Variants in SUGCT observed in about 807,000 individuals in gnomAD.
SUGCT encodes succinyl-CoA:glutarate CoA-transferase.
Under a neutral mutation model 55.0 loss-of-function variants are expected in SUGCT, and 41 were observed. The observed-to-expected ratio is 0.74, with a 90% CI of 0.58 to 0.97. SUGCT has a LOEUF of 0.97. Among genes scored for constraint, SUGCT ranks in the 50% least tolerant of loss-of-function variants. SUGCT has a pLI of 0.00. For synonymous variants in SUGCT, 187 were observed against 200.4 expected (o/e 0.93, Z 0.56); for missense variants, 568 against 547.8 (o/e 1.04, Z -0.37).
At chr7:40,412,696 T>C (rs1345820911) in intron 9 of SUGCT, among the ~76,000 whole-genome samples, 1 of 152,218 alleles carries the variant, frequency 6.6e-6, no homozygotes, top group Non-Finnish European at 1.5e-5. Flanking sequence ...TTTTCTGCAA[T>C]GTTGGTTCTG....
At chr7:40,345,939 T>A (rs374490621) in intron 9 of SUGCT, among the ~76,000 whole-genome samples, 22 of 151,920 alleles carry the variant, frequency 1.4e-4, no homozygotes, top group African/African-American at 5.1e-4. Context: ...CCTATATTGT[T>A]CTTGTTTGTT....
chr7:40,782,357 A>G (rs1429161562), intron 13 of SUGCT, among the ~76,000 whole-genome samples: 1 of 152,126 alleles, frequency 6.6e-6, no homozygotes, highest in East Asian at 1.9e-4. Context: ...TTTCTTGCCA[A>G]TATAAGTAGT....
At chr7:40,777,777 T>C (rs1460191856) in intron 13 of SUGCT, among the ~76,000 whole-genome samples, 5 of 152,038 alleles carry the variant, frequency 3.3e-5, no homozygotes, top group Non-Finnish European at 7.4e-5. Context: ...TGTACTTAAG[T>C]TGCCTCCTGT....
At chr7:40,200,224 G>A (rs2150762805) in intron 6 of SUGCT, among the ~76,000 whole-genome samples, 1 of 152,224 alleles carries the variant, frequency 6.6e-6, no homozygotes, top group Non-Finnish European at 1.5e-5. Context: ...GCTGTGTTGA[G>A]TGCTCAGGGC....
chr7:40,838,864 A>G (rs1793130116), intron 13 of SUGCT, among the ~76,000 whole-genome samples: 1 of 151,892 alleles, frequency 6.6e-6, no homozygotes, highest in Non-Finnish European at 1.5e-5. Flanking sequence ...TTAAGTATGA[A>G]GGTAGCTATT....
intron 12 of SUGCT, among the ~76,000 whole-genome samples, chr7:40,510,020 C>T (rs775814357): frequency 1.3e-5 from 2 of 151,978 alleles, no homozygotes; most frequent in Non-Finnish European, 1.5e-5. Flanking sequence ...AGTTGAAGTG[C>T]TCTAAAAGTT....
intron 12 of SUGCT, among the ~76,000 whole-genome samples, chr7:40,655,405 A>G (rs1800970109): frequency 6.6e-6 from 1 of 152,368 alleles, no homozygotes; most frequent in East Asian, 1.9e-4. Context: ...GGTTTCACTG[A>G]AAAGGTTATA....
intron 9 of SUGCT, among the ~76,000 whole-genome samples, chr7:40,430,435 T>C (rs1787832232): frequency 6.6e-6 from 1 of 152,230 alleles, no homozygotes; most frequent in Non-Finnish European, 1.5e-5. Flanking sequence ...TGAGCACCTT[T>C]TAATGTACAT....
chr7:40,877,714 T>C, the SUGCT span, among the ~76,000 whole-genome samples: 3 of 152,202 alleles, frequency 2.0e-5, no homozygotes, highest in Admixed American at 2.0e-4. Context: ...AGATTCTCAG[T>C]TCTAGAAATA....
intron 7 of SUGCT, among the ~76,000 whole-genome samples, chr7:40,266,490 A>G (rs1690669500): frequency 6.6e-6 from 1 of 152,074 alleles, no homozygotes. Context: ...CACAAGTAGT[A>G]GAGTGCCTAT....
chr7:40,532,063 G>C (rs746727140), intron 12 of SUGCT, among the ~76,000 whole-genome samples: 3 of 152,228 alleles, frequency 2.0e-5, no homozygotes, highest in Non-Finnish European at 4.4e-5. Context: ...CATTTGTTCA[G>C]AAGCCTGGGA....
the SUGCT span, among the ~76,000 whole-genome samples, chr7:40,976,347 C>G: frequency 6.6e-6 from 1 of 152,156 alleles, no homozygotes; most frequent in Non-Finnish European, 1.5e-5. Flanking sequence ...TTTGGGCAAA[C>G]TATTCATTAA....
chr7:40,172,575 T>G (rs1364152342), intron 1 of SUGCT, among the ~76,000 whole-genome samples: 1 of 152,110 alleles, frequency 6.6e-6, no homozygotes, highest in Non-Finnish European at 1.5e-5. Context: ...GAGGCTACAC[T>G]TTAAAAAAGT....
At chr7:40,806,718 T>C (rs927034618) in intron 13 of SUGCT, among the ~76,000 whole-genome samples, 1 of 152,202 alleles carries the variant, frequency 6.6e-6, no homozygotes, top group East Asian at 1.9e-4. Context: ...TCACAATATA[T>C]TCAATGTAAT....
At chr7:40,972,901 G>GA in the SUGCT span, among the ~76,000 whole-genome samples, 1 of 152,194 alleles carries the variant, frequency 6.6e-6, no homozygotes, top group Non-Finnish European at 1.5e-5. Context: ...TTACCATCTA[G>GA]AAACTTGCTC....
At chr7:41,035,022 T>A in the SUGCT span, among the ~76,000 whole-genome samples, 1 of 152,196 alleles carries the variant, frequency 6.6e-6, no homozygotes, top group African/African-American at 2.4e-5. Context: ...ACTTGGGCAC[T>A]GGGGCACTGA....
chr7:40,590,104 T>C (rs1249775857), intron 12 of SUGCT, among the ~76,000 whole-genome samples: 1 of 152,176 alleles, frequency 6.6e-6, no homozygotes, highest in African/African-American at 2.4e-5. Flanking sequence ...TTGTGTTTAG[T>C]GATTTTTGAT....
At chr7:40,579,230 T>C (rs1796946486) in intron 12 of SUGCT, among the ~76,000 whole-genome samples, 1 of 152,188 alleles carries the variant, frequency 6.6e-6, no homozygotes, top group Admixed American at 6.5e-5. Context: ...AGACCGCCAC[T>C]GACACCTCAC....
chr7:40,591,788 T>C lies in SUGCT; in HGVS notation c.1089+95402T>C, dbSNP rs539665353. 5.9e-5 allele frequency among the ~76,000 whole-genome samples: 9 copies of C among 152,328 alleles called. No homozygotes were observed. The Middle Eastern group carries it at 0.014, about 230-fold the overall frequency. On this transcript the variant is annotated intron_variant, in intron 12 of 13. Transcript: ENST00000335693. ...GATGTGCTGATGGAACAGATGATTG[T>C]TAGCATTTTTTAGCAATAAAATATT...
Sources: gnomAD v4.1 joint callset for allele counts (sites outside exome capture counted in the v4.1 genomes callset) on GRCh38, gnomAD v4.1.1 for gene constraint, MANE v1.5 for transcripts, NCBI Gene and HGNC (gene_info 2026-07-23, HGNC 2026-07-21) for gene names.